Variants in BTRC observed in about 807,000 individuals in gnomAD.
BTRC encodes the protein beta-transducin repeat containing E3 ubiquitin protein ligase, also known as F-box/WD repeat-containing protein 1A.
In BTRC, 42 loss-of-function variants were observed where a neutral mutation model predicts 85.5. The ratio of observed to expected loss-of-function variants is 0.49; its 90% CI spans 0.38 to 0.64. The LOEUF (loss-of-function observed/expected upper bound fraction) is 0.64. Ranked by LOEUF, BTRC falls within the 30% of genes least tolerant of loss-of-function variation. BTRC has a pLI of 0.00. For missense variants in BTRC, 594 were observed against 743.5 expected, an observed-to-expected ratio of 0.80 and a Z score of 2.34; for synonymous variants, 255 against 263.3, an observed-to-expected ratio of 0.97 and a Z score of 0.30.
intron 1 of BTRC, among the ~76,000 whole-genome samples, chr10:101,378,889 T>C (rs983686457): frequency 6.6e-6 from 1 of 151,988 alleles, no homozygotes; most frequent in Non-Finnish European, 1.5e-5. Flanking sequence ...AAATGAGAAA[T>C]AGGCGGTCAA....
chr10:101,484,118 T>C (rs1169810947), intron 4 of BTRC, among the ~76,000 whole-genome samples: 1 of 152,216 alleles, frequency 6.6e-6, no homozygotes, highest in Non-Finnish European at 1.5e-5. Context: ...AGTAGCCCTT[T>C]GTGGATGTTC....
intron 4 of BTRC, among the ~76,000 whole-genome samples, chr10:101,498,870 G>A (rs1464693285): frequency 6.6e-6 from 1 of 152,040 alleles, no homozygotes; most frequent in African/African-American, 2.4e-5. Flanking sequence ...GTGCGCGCCT[G>A]TAATCCCAGC....
intron 1 of BTRC, among the ~76,000 whole-genome samples, chr10:101,402,497 C>T (rs910503874): frequency 3.9e-5 from 6 of 152,124 alleles, no homozygotes; most frequent in Non-Finnish European, 5.9e-5. Flanking sequence ...TTAGGAGCTG[C>T]TCCCCCTCTT....
intron 13 of BTRC, among the ~76,000 whole-genome samples, chr10:101,546,386 A>C (rs2062558552): frequency 6.6e-6 from 1 of 152,186 alleles, no homozygotes; most frequent in Non-Finnish European, 1.5e-5. Flanking sequence ...AAGAAATTGC[A>C]AGATAAATTG....
At chr10:101,390,081 T>C (rs1262879936) in intron 1 of BTRC, among the ~76,000 whole-genome samples, 3 of 152,210 alleles carry the variant, frequency 2.0e-5, no homozygotes, top group African/African-American at 7.2e-5. Flanking sequence ...TTGTCTATTA[T>C]TTCTACTAGA....
chr10:101,497,655 G>A (rs1946296886), intron 4 of BTRC, among the ~76,000 whole-genome samples: 1 of 152,262 alleles, frequency 6.6e-6, no homozygotes, highest in Non-Finnish European at 1.5e-5. Flanking sequence ...GCAGTGAACC[G>A]TGATCATGCC....
At chr10:101,434,980 G>T (rs937773290) in intron 2 of BTRC, among the ~76,000 whole-genome samples, 1 of 151,892 alleles carries the variant, frequency 6.6e-6, no homozygotes, top group Non-Finnish European at 1.5e-5. Context: ...ATGGGCTTAT[G>T]TACTGGTTTT....
At chr10:101,430,623 C>T (rs1331063792) in intron 2 of BTRC, among the ~76,000 whole-genome samples, 171 bp downstream of exon 2, 1 of 152,110 alleles carries the variant, frequency 6.6e-6, no homozygotes, top group Non-Finnish European at 1.5e-5. Flanking sequence ...TAATGTAGAC[C>T]CAGACTGATC....
intron 3 of BTRC, among the ~76,000 whole-genome samples, chr10:101,468,747 A>G (rs1269516407): frequency 1.3e-5 from 2 of 152,204 alleles, no homozygotes; most frequent in African/African-American, 4.8e-5. Context: ...GCTTTTTGCA[A>G]GGTTAAAACA....
chr10:101,391,359 A>T (rs1300681724), intron 1 of BTRC, among the ~76,000 whole-genome samples: 2 of 152,220 alleles, frequency 1.3e-5, no homozygotes. Flanking sequence ...GTAGAGATCT[A>T]ATTTACCAGC....
At chr10:101,363,842 T>C (rs1483952279) in intron 1 of BTRC, among the ~76,000 whole-genome samples, 1 of 152,182 alleles carries the variant, frequency 6.6e-6, no homozygotes, top group Non-Finnish European at 1.5e-5. Flanking sequence ...CATATAGGTT[T>C]CCTGATTATT....
At chr10:101,411,725 G>A (rs754709053) in intron 1 of BTRC, among the ~76,000 whole-genome samples, 2 of 127,760 alleles carry the variant, frequency 1.6e-5, no homozygotes, top group Non-Finnish European at 3.6e-5. Flanking sequence ...TTTTTTTCTG[G>A]GTCTGCTTCC....
Position 101,367,053 on chromosome 10 carries a change from T to TATAA in BTRC, c.48+12828_48+12829insAATA, listed in dbSNP as rs1564730936. 5.1e-4 allele frequency among the ~76,000 whole-genome samples: 38 copies of TATAA among 74,134 alleles called. 5 individuals are homozygous for TATAA. The East Asian group carries it at 0.01, about 20-fold the overall frequency. 48.6% of individuals were successfully genotyped at this position (74,134 alleles called of 152,430 possible). On this transcript the variant is annotated intron_variant, in intron 1 of 14. Coordinates refer to ENST00000370187, the MANE Select transcript of BTRC (RefSeq NM_033637.4). ...ATATTTATATATATAAATATATATA[T>TATAA]ATATAAATATAAATATATATATATA...
At chr10:101,449,356 A>G (rs1398296133) in intron 2 of BTRC, among the ~76,000 whole-genome samples, 2 of 152,090 alleles carry the variant, frequency 1.3e-5, no homozygotes, top group Admixed American at 6.5e-5. Context: ...CATACGTCCT[A>G]AGGGTTCTAT....
intron 5 of BTRC, among the ~76,000 whole-genome samples, chr10:101,524,063 C>T (rs1011991442): frequency 6.6e-6 from 1 of 152,112 alleles, no homozygotes; most frequent in Non-Finnish European, 1.5e-5. Context: ...ATTAATACTA[C>T]TTTGTTTTAT....
At chr10:101,378,999 C>T (rs562139731) in intron 1 of BTRC, among the ~76,000 whole-genome samples, 1 of 152,282 alleles carries the variant, frequency 6.6e-6, no homozygotes, top group South Asian at 2.1e-4. Flanking sequence ...ATTATAATGA[C>T]AACTTACAAG....
chr10:101,532,847 T>C, intron 8 of BTRC, 105 bp from the exon 9 acceptor site: 1 of 948,736 alleles, frequency 1.1e-6, no homozygotes, highest in Non-Finnish European at 1.7e-6. Flanking sequence ...TCCACACTAC[T>C]CTGGGCTTTG....
chr10:101,357,438 C>T (rs1429996928), intron 1 of BTRC, among the ~76,000 whole-genome samples: 2 of 52,422 alleles, frequency 3.8e-5, no homozygotes, highest in Non-Finnish European at 6.9e-5. Flanking sequence ...GAGACTCTGT[C>T]TCAAAAAAAA....
At chr10:101,456,120 G>A (rs778603877) in intron 2 of BTRC, among the ~76,000 whole-genome samples, 17 of 151,572 alleles carry the variant, frequency 1.1e-4, no homozygotes, top group Non-Finnish European at 2.2e-4. Context: ...GTAATGAGCC[G>A]AGGTCGCCAC....
Sources: allele counts gnomAD v4.1 joint callset (sites outside exome capture counted in the v4.1 genomes callset), GRCh38; gene constraint gnomAD v4.1.1; transcripts MANE v1.5; gene names NCBI Gene and HGNC (gene_info 2026-07-23, HGNC 2026-07-21).